Variants in RGS7BP observed in about 807,000 individuals in gnomAD.
The protein encoded by RGS7BP is regulator of G protein signaling 7-binding protein.
RGS7BP carries 9 observed loss-of-function variants against 31.3 expected under a neutral mutation model. That is an observed-to-expected ratio of 0.29 (90% CI 0.17 to 0.50). RGS7BP has a LOEUF of 0.50. RGS7BP is among the 20% of genes least tolerant of loss of function. RGS7BP has a pLI of 0.98. For missense variants in RGS7BP, 274 were observed against 322.0 expected, an observed-to-expected ratio of 0.85 and a Z score of 1.14; for synonymous variants, 115 against 120.1, an observed-to-expected ratio of 0.96 and a Z score of 0.28.
At chr5:64,566,466 T>C (rs1159924162) in intron 2 of RGS7BP, among the ~76,000 whole-genome samples, 1 of 151,428 alleles carries the variant, frequency 6.6e-6, no homozygotes, top group Non-Finnish European at 1.5e-5. Context: ...TTTACAGGAG[T>C]CTTACATGAT....
intron 3 of RGS7BP, among the ~76,000 whole-genome samples, chr5:64,591,431 C>T (rs1046602999): frequency 2.0e-5 from 3 of 152,110 alleles, no homozygotes; most frequent in African/African-American, 7.2e-5. Flanking sequence ...CAATGAGATT[C>T]TATTTCTCCC....
At chr5:64,514,626 C>A (rs1748923496) in intron 2 of RGS7BP, among the ~76,000 whole-genome samples, 1 of 152,106 alleles carries the variant, frequency 6.6e-6, no homozygotes, top group Admixed American at 6.5e-5. Context: ...TTTCTTTAAT[C>A]AATTTAATTA....
At chr5:64,534,646 G>C (rs898391967) in intron 2 of RGS7BP, among the ~76,000 whole-genome samples, 58 of 152,100 alleles carry the variant, frequency 3.8e-4, no homozygotes, top group Non-Finnish European at 6.0e-4. Context: ...GGTACCCTTT[G>C]GCAGATGAGA....
intron 2 of RGS7BP, among the ~76,000 whole-genome samples, chr5:64,543,229 T>C (rs1246424176): frequency 6.6e-6 from 1 of 152,230 alleles, no homozygotes; most frequent in African/African-American, 2.4e-5. Flanking sequence ...GACTGTTGAA[T>C]GTTGGGAGCT....
chr5:64,533,698 T>A (rs73109072), intron 2 of RGS7BP, among the ~76,000 whole-genome samples: 3,872 of 152,348 alleles, frequency 0.025, 98 homozygotes, highest in African/African-American at 0.067. Flanking sequence ...CAATTTCACA[T>A]ACATTCAAAG....
intron 2 of RGS7BP, among the ~76,000 whole-genome samples, chr5:64,508,192 A>C (rs1332420601): frequency 1.3e-5 from 2 of 152,196 alleles, no homozygotes; most frequent in African/African-American, 4.8e-5. Flanking sequence ...ATCAAACTGA[A>C]GTTAAATCAT....
intron 2 of RGS7BP, among the ~76,000 whole-genome samples, chr5:64,567,278 G>A (rs1164676619): frequency 6.6e-6 from 1 of 152,092 alleles, no homozygotes; most frequent in Non-Finnish European, 1.5e-5. Context: ...TCACATGGAA[G>A]AGGAGTCCGT....
chr5:64,510,526 C>T (rs1748805560), intron 2 of RGS7BP, among the ~76,000 whole-genome samples: 1 of 152,116 alleles, frequency 6.6e-6, no homozygotes, highest in Admixed American at 6.6e-5. Flanking sequence ...TAGTGGTTAC[C>T]TAGGACTGGA....
chr5:64,572,021 G>A (rs542140170), intron 2 of RGS7BP, among the ~76,000 whole-genome samples: 3 of 152,142 alleles, frequency 2.0e-5, no homozygotes, highest in African/African-American at 7.2e-5. Flanking sequence ...TGAATTAAAT[G>A]AATCACCCCC....
intron 2 of RGS7BP, among the ~76,000 whole-genome samples, chr5:64,550,662 G>A (rs962891685): frequency 6.6e-5 from 10 of 151,770 alleles, no homozygotes; most frequent in African/African-American, 1.9e-4. Context: ...CATGTGCTAT[G>A]TTGGTGTGCT....
Position 64,609,492 on chromosome 5 carries a change from A to T in RGS7BP, c.*240A>T. On this transcript the variant is annotated 3_prime_UTR_variant, in exon 6 of 6. Coordinates refer to ENST00000334025, the MANE Select transcript of RGS7BP (RefSeq NM_001029875.3). Reference sequence around the variant, plus strand: ...TTTTTAAAAGGGAATTTTAAAGCTGACATTGTGCATGTCTGCTCCAAACCA... The same window carrying T: ...TTTTTAAAAGGGAATTTTAAAGCTGTCATTGTGCATGTCTGCTCCAAACCA... 1 of 508,538 alleles carries T rather than the reference A, an allele frequency of 2.0e-6. No individual in the cohort carries two copies. The highest frequency in any genetic ancestry group is 3.6e-6 in the Non-Finnish European group (1 of 280,552). The allele number at this position is 508,538 out of a possible 1,614,324, so 31.5% of individuals were successfully genotyped here. A position where few individuals can be genotyped will look rare whatever the true frequency, so the allele number is the denominator to read the frequency against.
At position 64,514,816 on chromosome 5, in the gene RGS7BP, G is replaced by A. The variant is rs1042255011; in HGVS notation, c.332+6939G>A. 3.9e-4 allele frequency among the ~76,000 whole-genome samples: 59 copies of A among 152,072 alleles called. 1 individual carries two copies. The highest frequency in any genetic ancestry group is 3.9e-3 in the Admixed American group (59 of 15,284). On this transcript the variant is annotated intron_variant, in intron 2 of 5. Coordinates refer to ENST00000334025, the MANE Select transcript of RGS7BP (RefSeq NM_001029875.3). ...TTAAGGACCATAAGCATACTCTGGA[G>A]CAAGGACAAGGTTCTAACTCACACC...
At chr5:64,565,369 A>G (rs1742145256) in intron 2 of RGS7BP, among the ~76,000 whole-genome samples, 1 of 152,142 alleles carries the variant, frequency 6.6e-6, no homozygotes, top group African/African-American at 2.4e-5. Context: ...GTGTATATGT[A>G]TATTCATATA....
intron 2 of RGS7BP, among the ~76,000 whole-genome samples, chr5:64,575,266 A>G (rs1008717352): frequency 6.6e-6 from 1 of 152,162 alleles, no homozygotes; most frequent in African/African-American, 2.4e-5. Flanking sequence ...TAGCCACAGC[A>G]AACAATAAAG....
chr5:64,548,060 C>A (rs1467807881), intron 2 of RGS7BP, among the ~76,000 whole-genome samples: 1 of 152,046 alleles, frequency 6.6e-6, no homozygotes. Context: ...TATGACAATT[C>A]ATATAACATT....
chr5:64,507,867 G>A lies in RGS7BP; in HGVS notation c.322G>A (p.Ala108Thr). 1.2e-6 allele frequency: 2 copies of A among 1,612,984 alleles called. No homozygotes were observed. The highest frequency in any genetic ancestry group is 1.7e-6 in the Non-Finnish European group (2 of 1,179,516). ...CCGTCAGGCACACCAAAAATTGGCT[G>A]CCATCTCAGGGTAGGAGACTCGGCA... ...MARQAHQKLA[A>T]ISGPEDGEIH... The change falls in exon 2 of 6, where the codon GCC becomes ACC. Residue 108 changes from alanine to threonine, a missense_variant. Around this residue, in one of 3 missense-constraint regions of RGS7BP, gnomAD observed 149 missense variants for 152.6 expected, o/e 0.98. Coordinates refer to ENST00000334025, the MANE Select transcript of RGS7BP (RefSeq NM_001029875.3).
rs528933121 is a variant in RGS7BP at position 64,545,081 on chromosome 5, CAGG to C, written c.333-30690_333-30688del. Among the ~76,000 whole-genome samples, 324 of 151,536 alleles carry C rather than the reference CAGG, an allele frequency of 2.1e-3. 1 individual carries two copies. The highest frequency in any genetic ancestry group is 7.4e-3 in the African/African-American group (304 of 41,314). ...GTCCCAGCTACTCAGGAGGCTGAGGCAGGAGAATAGCTTGAACCCAGGAAGAAG... is the reference window on the plus strand; with the variant it reads ...GTCCCAGCTACTCAGGAGGCTGAGGCAGAATAGCTTGAACCCAGGAAGAAG... On this transcript the variant is annotated intron_variant, in intron 2 of 5. Coordinates refer to ENST00000334025, the MANE Select transcript of RGS7BP (RefSeq NM_001029875.3).
At chr5:64,591,848 G>A (rs1411448764) in intron 3 of RGS7BP, among the ~76,000 whole-genome samples, 2 of 152,086 alleles carry the variant, frequency 1.3e-5, no homozygotes, top group Non-Finnish European at 2.9e-5. Context: ...TATCTATTGA[G>A]ATACTACTGT....
intron 2 of RGS7BP, among the ~76,000 whole-genome samples, chr5:64,525,364 C>A (rs1228323794): frequency 1.3e-5 from 2 of 152,170 alleles, no homozygotes; most frequent in African/African-American, 2.4e-5. Flanking sequence ...CTTATGAAGT[C>A]CCTTACAGGG....
Sources: allele counts gnomAD v4.1 joint callset (sites outside exome capture counted in the v4.1 genomes callset), GRCh38; gene constraint gnomAD v4.1.1; regional missense constraint gnomAD v4.1.1; transcripts MANE v1.5; gene names NCBI Gene and HGNC (gene_info 2026-07-23, HGNC 2026-07-21).